Variants in PDE3A observed in about 807,000 individuals in gnomAD.
PDE3A encodes phosphodiesterase 3A.
PDE3A carries 43 observed loss-of-function variants against 98.3 expected under a neutral mutation model. That is an observed-to-expected ratio of 0.44 (90% CI 0.34 to 0.56). The LOEUF is 0.56. PDE3A is among the 20% of genes least tolerant of loss of function. The pLI is 0.01. For synonymous variants in PDE3A, 663 were observed against 567.9 expected (o/e 1.17, Z -2.38); for missense variants, 1,427 against 1,440.7 (o/e 0.99, Z 0.15).
At chr12:20,393,365 T>G (rs1233432148) in intron 1 of PDE3A, among the ~76,000 whole-genome samples, 1 of 151,882 alleles carries the variant, frequency 6.6e-6, no homozygotes, top group Non-Finnish European at 1.5e-5. Context: ...TCATGAGACT[T>G]ATTCACTACC....
chr12:20,594,119 A>G (rs1179572456), intron 2 of PDE3A, among the ~76,000 whole-genome samples: 2 of 152,194 alleles, frequency 1.3e-5, no homozygotes, highest in Non-Finnish European at 2.9e-5. Flanking sequence ...AGGGCTTTCA[A>G]AATGTTAATA....
chr12:20,654,326 G>C (rs1172157464), intron 15 of PDE3A, 121 bp downstream of exon 15: 5 of 868,066 alleles, frequency 5.8e-6, no homozygotes, highest in Non-Finnish European at 8.9e-6. Context: ...TGCGGAGTTT[G>C]ACTACGGATA....
At chr12:20,563,601 A>C (rs1016773126) in intron 2 of PDE3A, among the ~76,000 whole-genome samples, 6 of 152,246 alleles carry the variant, frequency 3.9e-5, no homozygotes, top group African/African-American at 1.4e-4. Flanking sequence ...ATATTCGTTC[A>C]GAAATTTTTC....
At chr12:20,613,826 T>C (rs1035099848) in intron 3 of PDE3A, 126 bp downstream of exon 3, 1 of 659,044 alleles carries the variant, frequency 1.5e-6, no homozygotes, top group African/African-American at 1.8e-5. Context: ...AATGTGTTGA[T>C]CGTGGTGACA....
At chr12:20,624,452 G>C (rs1346215632) in intron 5 of PDE3A, among the ~76,000 whole-genome samples, 2 of 152,096 alleles carry the variant, frequency 1.3e-5, no homozygotes, top group Non-Finnish European at 2.9e-5. Context: ...CTAGAAGAAA[G>C]AGCAAAGGAG....
chr12:20,502,286 A>G (rs917463751), intron 1 of PDE3A, among the ~76,000 whole-genome samples: 2 of 152,134 alleles, frequency 1.3e-5, no homozygotes, highest in Non-Finnish European at 2.9e-5. Flanking sequence ...TCTAAAATGT[A>G]TCACTTAAGG....
At position 20,552,242 on chromosome 12, in the gene PDE3A, A is replaced by G; in HGVS notation, c.961-4418A>G. 1 of 1,613,924 alleles carries G rather than the reference A, an allele frequency of 6.2e-7. No individual in the cohort carries two copies. The highest frequency in any genetic ancestry group is 8.5e-7 in the Non-Finnish European group (1 of 1,179,860). ...GGGAAGCCGGTCAGGGTGGTGCGCA[A>G]TGTCAAGGGTGGCAAGAATAGCAAG... is the stretch of plus-strand genomic sequence containing the variant. On this transcript the variant is annotated intron_variant, in intron 1 of 15. Coordinates refer to ENST00000359062, the MANE Select transcript of PDE3A (RefSeq NM_000921.5). This position sits in a 1 kb window ranked among gnomAD's most constrained non-coding sequence, Gnocchi z 5.1.
rs184499136 is a variant in PDE3A, at chr12:20,669,767, G to A, written c.3185-10263G>A. Among the ~76,000 whole-genome samples the A allele has an allele frequency of 8.7e-4, 132 of 152,012 alleles. No homozygotes were observed. The East Asian group carries it at 0.019, about 21-fold the overall frequency. On this transcript the variant is annotated intron_variant, in intron 15 of 15. Transcript: ENST00000359062. ...ATCATGCCAAGATGTAAAGACCATC[G>A]AGACTAGGAAGAAACTACATAAACT...
Position 20,650,453 on chromosome 12 carries a change from T to A in PDE3A, c.2778T>A (p.Asp926Glu). The A allele has an allele frequency of 6.3e-7, 1 of 1,598,750 alleles. No homozygotes were observed. Among genetic ancestry groups the A allele is most frequent in the Non-Finnish European group, 8.5e-7 (1 of 1,170,516 alleles). Residue 926 changes from aspartate (D) to glutamate (E), a missense_variant, in exon 14 of 16, where the codon GAT (aspartate) becomes GAA (glutamate). Physicochemically the swap from Asp to Glu is conservative, Grantham distance 45. This residue lies in a region of PDE3A where 273 missense variants were observed against 420.3 expected (regional missense o/e 0.65). Coordinates refer to ENST00000359062, the MANE Select transcript of PDE3A (RefSeq NM_000921.5). ...FVAKFNGKVN[D>E]DVGIDWTNEN... ...CTTTATCTCTCAAATAGGTAAATGA[T>A]GATGTTGGAATAGATTGGACCAATG...
At chr12:20,395,581 T>C (rs1944001578) in intron 1 of PDE3A, among the ~76,000 whole-genome samples, 1 of 117,612 alleles carries the variant, frequency 8.5e-6, no homozygotes, top group African/African-American at 3.5e-5. Context: ...CATAGTATTA[T>C]ATATGTATAC....
At chr12:20,632,946 A>C (rs1944414789) in intron 6 of PDE3A, among the ~76,000 whole-genome samples, 1 of 122,654 alleles carries the variant, frequency 8.2e-6, no homozygotes, top group Non-Finnish European at 1.6e-5. Context: ...TCTAATAATG[A>C]GGCTTTTTTT....
At chr12:20,459,046 CTTTCT>C (rs1945202395) in intron 1 of PDE3A, among the ~76,000 whole-genome samples, 1 of 152,128 alleles carries the variant, frequency 6.6e-6, no homozygotes, top group Admixed American at 6.6e-5. Flanking sequence ...GTTAGCAGTG[CTTTCT>C]TATCAGATGG....
chr12:20,654,698 G>A (rs147071820), intron 15 of PDE3A, among the ~76,000 whole-genome samples: 1 of 124,364 alleles, frequency 8.0e-6, no homozygotes, highest in Non-Finnish European at 1.6e-5. Flanking sequence ...ATTTTGAGTA[G>A]AGATCGGGTT....
In PDE3A at chr12:20,634,994, A is replaced by G. The variant is rs1344750242; in HGVS notation, c.1939A>G (p.Arg647Gly). 1 of 1,613,328 alleles carries G rather than the reference A, an allele frequency of 6.2e-7. No homozygotes were observed. Among genetic ancestry groups the G allele is most frequent in the South Asian group, 1.1e-5 (1 of 91,064 alleles). ...GAATGAAGATGAAACAGAGTGCCTGAGAGAGCCTCTGAGGAAAGCATCGGC... is the reference window on the plus strand; with the variant it reads ...GAATGAAGATGAAACAGAGTGCCTGGGAGAGCCTCTGAGGAAAGCATCGGC... ...VQNEDETECL[R>G]EPLRKASACS... The change falls in exon 8 of 16, where the codon AGA becomes GGA. Residue 647 changes from arginine (R) to glycine (G), a missense_variant. Physicochemically the swap from Arg to Gly is moderately radical, Grantham distance 125. This residue lies in a region of PDE3A where 1,012 missense variants were observed against 886.5 expected (regional missense o/e 1.14). Coordinates refer to ENST00000359062, the MANE Select transcript of PDE3A (RefSeq NM_000921.5).
At chr12:20,412,954 C>A (rs993024201) in intron 1 of PDE3A, among the ~76,000 whole-genome samples, 1 of 152,138 alleles carries the variant, frequency 6.6e-6, no homozygotes, top group Non-Finnish European at 1.5e-5. Flanking sequence ...TAGCTCATAC[C>A]ACATATGTGG....
chr12:20,611,939 G>A lies in PDE3A; in HGVS notation c.1012-1504G>A, dbSNP rs929766175. 9.9e-5 allele frequency among the ~76,000 whole-genome samples: 15 copies of A among 151,418 alleles called. No homozygotes were observed. In the East Asian group the frequency reaches 1.4e-3, roughly 14 times the overall value. ...TCTACTTATATGTATCTCGGTTGTCGTTGCCAGAACACTGCTATACCCTTT... is the reference window on the plus strand; with the variant it reads ...TCTACTTATATGTATCTCGGTTGTCATTGCCAGAACACTGCTATACCCTTT... On this transcript the variant is annotated intron_variant, in intron 2 of 15. Coordinates refer to ENST00000359062, the MANE Select transcript of PDE3A (RefSeq NM_000921.5).
At chr12:20,377,519 G>A (rs1271192706) in intron 1 of PDE3A, among the ~76,000 whole-genome samples, 1 of 151,678 alleles carries the variant, frequency 6.6e-6, no homozygotes, top group Non-Finnish European at 1.5e-5. Flanking sequence ...TACCATATTG[G>A]ACAGTGCAGC....
At chr12:20,520,412 G>A (rs930826784) in intron 1 of PDE3A, among the ~76,000 whole-genome samples, 2 of 152,072 alleles carry the variant, frequency 1.3e-5, no homozygotes, top group Admixed American at 6.5e-5. Context: ...TCCTGAATAC[G>A]CAGTTGCTTA....
chr12:20,547,054 T>C (rs1942078219), intron 1 of PDE3A, among the ~76,000 whole-genome samples: 1 of 152,154 alleles, frequency 6.6e-6, no homozygotes, highest in Non-Finnish European at 1.5e-5. Context: ...GTACCATTCC[T>C]GCTCCCGCCT....
Sources: allele counts gnomAD v4.1 joint callset (sites outside exome capture counted in the v4.1 genomes callset), GRCh38; gene constraint gnomAD v4.1.1; regional missense constraint gnomAD v4.1.1; non-coding constraint Gnocchi (gnomAD v3.1); transcripts MANE v1.5; gene names NCBI Gene and HGNC (gene_info 2026-07-23, HGNC 2026-07-21).